The following CPSF4 variants were observed in gnomAD, a reference collection of about 807,000 sequenced individuals.
CPSF4 encodes cleavage and polyadenylation specific factor 4, also known as cleavage and polyadenylation specificity factor subunit 4.
Under a neutral mutation model 37.7 loss-of-function variants are expected in CPSF4, and 11 were observed. The observed-to-expected ratio is 0.29, with a 90% CI of 0.18 to 0.48. The LOEUF is 0.48. Among genes scored for constraint, CPSF4 ranks in the 20% least tolerant of loss-of-function variants. CPSF4 has a pLI of 0.99. For synonymous variants in CPSF4, 132 were observed against 135.9 expected, an observed-to-expected ratio of 0.97 and a Z score of 0.20; for missense variants, 144 against 359.5, an observed-to-expected ratio of 0.40 and a Z score of 4.85.
At chr7:99,444,938 C>T (rs1584493462) in intron 2 of CPSF4, 99 bp downstream of exon 2, 1 of 1,019,946 alleles carries the variant, frequency 9.8e-7, no homozygotes, top group Non-Finnish European at 1.5e-6. Context: ...GCTTACATTG[C>T]TTTCTACAGA....
At chr7:99,446,821 C>CTTTTTTTTT (rs1797543686) in intron 2 of CPSF4, among the ~76,000 whole-genome samples, 4 of 73,560 alleles carry the variant, frequency 5.4e-5, no homozygotes, top group African/African-American at 1.8e-4. Context: ...CGGAGTTTTG[C>CTTTTTTTTT]TCTTGTTGCC....
In CPSF4 at chr7:99,457,006, C is replaced by G. The variant is rs8794; in HGVS notation, c.*506C>G. On this transcript the variant is annotated 3_prime_UTR_variant, in exon 8 of 8. Coordinates refer to ENST00000292476, the MANE Select transcript of CPSF4 (RefSeq NM_006693.4). ...CCCTTTGGGGCAAATTCAGGTGCCC[C>G]CATTGCCTCAGGCTGGCCCTGGTCC... The G allele has an allele frequency of 4.0e-6, 1 of 253,048 alleles. No individual in the cohort carries two copies. Among genetic ancestry groups the G allele is most frequent in the East Asian group, 9.5e-5 (1 of 10,544 alleles). The allele number at this position is 253,048 out of a possible 1,614,324, so 15.7% of individuals were successfully genotyped here. A position where few individuals can be genotyped will look rare whatever the true frequency, so the allele number is the denominator to read the frequency against.
chr7:99,443,663 A>T (rs996479378), intron 1 of CPSF4, among the ~76,000 whole-genome samples: 3 of 152,176 alleles, frequency 2.0e-5, no homozygotes, highest in African/African-American at 7.2e-5. Context: ...TCACGTCTAT[A>T]ATCCCAGCAC....
intron 2 of CPSF4, among the ~76,000 whole-genome samples, chr7:99,447,368 A>C (rs180815636): frequency 1.3e-3 from 197 of 149,972 alleles, no homozygotes; most frequent in Non-Finnish European, 2.2e-3. Context: ...TCCTGGGTTC[A>C]AGCGATTCTC....
At chr7:99,451,029 G>A (rs1797894415) in intron 5 of CPSF4, 1 of 483,258 alleles carries the variant, frequency 2.1e-6, no homozygotes, top group African/African-American at 1.9e-5. Flanking sequence ...TGGGCCATCT[G>A]GTAATGTAAT....
chr7:99,440,674 A>ATATTTTTTTT, intron 1 of CPSF4, among the ~76,000 whole-genome samples: 6 of 88,084 alleles, frequency 6.8e-5, no homozygotes, highest in African/African-American at 3.9e-4. Flanking sequence ...ATATATATAT[A>ATATTTTTTTT]TTTTTTTTTT....
intron 4 of CPSF4, 156 bp downstream of exon 4, chr7:99,450,527 C>T: frequency 1.3e-6 from 1 of 746,934 alleles, no homozygotes. Context: ...TTGCCTCTCC[C>T]AAGAATGCTG....
chr7:99,456,198 C>T (rs1584520953), intron 7 of CPSF4, among the ~76,000 whole-genome samples: 1 of 152,256 alleles, frequency 6.6e-6, no homozygotes, highest in South Asian at 2.1e-4. Context: ...GCCTTGTTCT[C>T]CCTTGCATCT....
At chr7:99,450,152 T>A in intron 3 of CPSF4, 124 bp from the exon 4 acceptor site, 1 of 716,200 alleles carries the variant, frequency 1.4e-6, no homozygotes, top group Non-Finnish European at 2.5e-6. Flanking sequence ...TCAGAAACAC[T>A]CTTCCCTGGC....
At chr7:99,440,675 T>TATATATATG (rs1491236759) in intron 1 of CPSF4, among the ~76,000 whole-genome samples, 4 of 74,878 alleles carry the variant, frequency 5.3e-5, no homozygotes, top group African/African-American at 4.2e-4. Context: ...TATATATATA[T>TATATATATG]TTTTTTTTTT....
At position 99,453,907 on chromosome 7, in the gene CPSF4, T is replaced by C. The variant is rs1798108737; in HGVS notation, c.571-59T>C. 8 of 1,528,122 alleles carry C rather than the reference T, an allele frequency of 5.2e-6. No individual in the cohort carries two copies. Among genetic ancestry groups the C allele is most frequent in the Admixed American group, 1.7e-5 (1 of 57,808 alleles). 94.7% of individuals were successfully genotyped at this position (1,528,122 alleles called of 1,614,324 possible). A position where few individuals can be genotyped will look rare whatever the true frequency, so the allele number is the denominator to read the frequency against. ...CCCGCCCTCTTTTTTCCTGTCCCCA[T>C]CGGTAGTCTGCGTGCACGTGTTTTC... On this transcript the variant is annotated intron_variant, in intron 6 of 7. Coordinates refer to ENST00000292476, the MANE Select transcript of CPSF4 (RefSeq NM_006693.4). The surrounding 1 kb of genome is among the most constrained non-coding windows in gnomAD (Gnocchi z 4.7).
At chr7:99,450,027 A>G (rs983438660) in intron 3 of CPSF4, among the ~76,000 whole-genome samples, 1 of 152,186 alleles carries the variant, frequency 6.6e-6, no homozygotes, top group Admixed American at 6.5e-5. Flanking sequence ...CAGGTCCACA[A>G]GTGCTTCCCC....
rs1473192227 is a variant in CPSF4, at chr7:99,450,387, G to A, written c.403+16G>A. On this transcript the variant is annotated intron_variant, in intron 4 of 7. Coordinates refer to ENST00000292476, the MANE Select transcript of CPSF4 (RefSeq NM_006693.4). Reference sequence around the variant, plus strand: ...TGCAAGCACGGTAGGTGCCAGGGTGGGCTGGGCCCCGGGCAAGAAGCCAGT... The same window carrying A: ...TGCAAGCACGGTAGGTGCCAGGGTGAGCTGGGCCCCGGGCAAGAAGCCAGT... 12 of 1,585,988 alleles carry A rather than the reference G, an allele frequency of 7.6e-6. No homozygotes were observed. Among genetic ancestry groups the A allele is most frequent in the Non-Finnish European group, 1.0e-5 (12 of 1,156,120 alleles).
In CPSF4 at chr7:99,438,958, G is replaced by C; in HGVS notation, c.-125G>C. The C allele has an allele frequency of 7.5e-7, 1 of 1,326,312 alleles. No homozygotes were observed. The allele number at this position is 1,326,312 out of a possible 1,614,324, so 82.2% of individuals were successfully genotyped here. ...GGGCGCTCCCGGCATCCCTCGGGCG[G>C]CGGCGGCGGCGGCGGCGAGGCGAAG... On this transcript the variant is annotated 5_prime_UTR_variant, in exon 1 of 8. Coordinates refer to ENST00000292476, the MANE Select transcript of CPSF4 (RefSeq NM_006693.4).
rs2150982847 is a variant in CPSF4, at chr7:99,442,764, T to G, written c.104-2025T>G. On this transcript the variant is annotated intron_variant, in intron 1 of 7. Transcript: ENST00000292476. ...GTCAAACTGCCGCGGCAGTTCACAG[T>G]TTTACCTGGGGTACCTGCTCCCTCA... is the stretch of plus-strand genomic sequence containing the variant. The G allele has an allele frequency of 6.3e-6, 4 of 635,988 alleles. No homozygotes were observed. The South Asian group carries it at 7.2e-5, about 11-fold the overall frequency. The allele number at this position is 635,988 out of a possible 1,614,324, so 39.4% of individuals were successfully genotyped here.
intron 3 of CPSF4, among the ~76,000 whole-genome samples, chr7:99,450,016 C>G (rs1407217936): frequency 6.6e-6 from 1 of 152,130 alleles, no homozygotes; most frequent in East Asian, 1.9e-4. Flanking sequence ...TTGGAGAGGG[C>G]CAGGTCCACA....
intron 7 of CPSF4, among the ~76,000 whole-genome samples, chr7:99,455,989 C>T (rs1798279256): frequency 6.6e-6 from 1 of 152,238 alleles, no homozygotes; most frequent in Non-Finnish European, 1.5e-5. Context: ...CAGGGAACCC[C>T]AGACCTTGGC....
chr7:99,440,674 A>ATATATATATATATGTTTTTTTTTT, intron 1 of CPSF4, among the ~76,000 whole-genome samples: 21 of 88,088 alleles, frequency 2.4e-4, no homozygotes, highest in Non-Finnish European at 3.3e-4. Flanking sequence ...ATATATATAT[A>ATATATATATATATGTTTTTTTTTT]TTTTTTTTTT....
At chr7:99,443,545 G>T (rs1797213733) in intron 1 of CPSF4, 1 of 628,088 alleles carries the variant, frequency 1.6e-6, no homozygotes, top group Admixed American at 2.3e-5. Flanking sequence ...TGTGGGGTGG[G>T]GTGCGGTGGC....
Sources: allele counts gnomAD v4.1 joint callset (sites outside exome capture counted in the v4.1 genomes callset), GRCh38; gene constraint gnomAD v4.1.1; non-coding constraint Gnocchi (gnomAD v3.1); transcripts MANE v1.5; gene names NCBI Gene and HGNC (gene_info 2026-07-23, HGNC 2026-07-21).